WDR70: variants seen among roughly 807,000 people sequenced by gnomAD.
The protein encoded by WDR70 is WD repeat domain 70.
Under a neutral mutation model 88.6 loss-of-function variants are expected in WDR70, and 53 were observed. The ratio of observed to expected loss-of-function variants is 0.60; its 90% confidence interval spans 0.48 to 0.75. The LOEUF is 0.75. Ranked by LOEUF, WDR70 falls within the 30% of genes least tolerant of loss-of-function variation. WDR70 has a pLI of 0.00. For missense variants in WDR70, 610 were observed against 823.2 expected (o/e 0.74, Z 3.17); for synonymous variants, 280 against 270.0 (o/e 1.04, Z -0.36).
At chr5:37,653,226 G>A (rs764114675) in intron 10 of WDR70, among the ~76,000 whole-genome samples, 5 of 151,988 alleles carry the variant, frequency 3.3e-5, no homozygotes, top group Non-Finnish European at 7.4e-5. Context: ...GATTCTGTTC[G>A]TGTGATGGAT....
intron 9 of WDR70, among the ~76,000 whole-genome samples, chr5:37,580,124 T>G (rs991869635): frequency 2.0e-4 from 30 of 152,356 alleles, no homozygotes; most frequent in African/African-American, 7.0e-4. Context: ...ATATGTTGCT[T>G]TATAATTTTA....
At chr5:37,566,311 C>G (rs1317078957) in intron 9 of WDR70, among the ~76,000 whole-genome samples, 1 of 141,138 alleles carries the variant, frequency 7.1e-6, no homozygotes, top group Admixed American at 7.3e-5. Flanking sequence ...GTGATAATAG[C>G]TTATCATCAC....
At chr5:37,629,450 T>C (rs1744754863) in intron 10 of WDR70, among the ~76,000 whole-genome samples, 1 of 152,210 alleles carries the variant, frequency 6.6e-6, no homozygotes, top group African/African-American at 2.4e-5. Flanking sequence ...TCATAAATCC[T>C]TTAGGCTTTC....
intron 9 of WDR70, among the ~76,000 whole-genome samples, chr5:37,581,291 GTTGGGCA>G (rs1648502320): frequency 6.6e-6 from 1 of 152,094 alleles, no homozygotes; most frequent in South Asian, 2.1e-4. Context: ...AATAAACACA[GTTGGGCA>G]TTTACTATGG....
intron 9 of WDR70, among the ~76,000 whole-genome samples, chr5:37,580,984 G>T (rs1024447623): frequency 6.6e-6 from 1 of 152,192 alleles, no homozygotes; most frequent in Non-Finnish European, 1.5e-5. Flanking sequence ...AGTTCACAAA[G>T]AATTATTAAG....
chr5:37,447,742 A>G (rs1164946186), intron 7 of WDR70, among the ~76,000 whole-genome samples: 1 of 152,130 alleles, frequency 6.6e-6, no homozygotes, highest in Non-Finnish European at 1.5e-5. Flanking sequence ...AACAATGAGA[A>G]CACATGGTCA....
At chr5:37,477,695 C>T (rs970598668) in intron 7 of WDR70, among the ~76,000 whole-genome samples, 2 of 152,144 alleles carry the variant, frequency 1.3e-5, no homozygotes, top group African/African-American at 4.8e-5. Context: ...ACTTGTGACA[C>T]AAAAAGCTTC....
intron 9 of WDR70, among the ~76,000 whole-genome samples, chr5:37,558,242 T>G (rs1442647151): frequency 6.6e-6 from 1 of 152,132 alleles, no homozygotes; most frequent in East Asian, 1.9e-4. Context: ...TCTGACATAG[T>G]TTGATATTTA....
chr5:37,400,457 T>C (rs916556120), intron 5 of WDR70, among the ~76,000 whole-genome samples: 1 of 152,192 alleles, frequency 6.6e-6, no homozygotes, highest in Non-Finnish European at 1.5e-5. Flanking sequence ...TACTCTCTTA[T>C]TGTCTACATT....
At chr5:37,602,953 G>C (rs1282111893) in intron 9 of WDR70, among the ~76,000 whole-genome samples, 5 of 151,936 alleles carry the variant, frequency 3.3e-5, no homozygotes, top group Admixed American at 1.3e-4. Context: ...CTCCAGCCTG[G>C]GCGATAGAGC....
Position 37,391,044 on chromosome 5 carries a change from A to T in WDR70, c.176-956A>T, listed in dbSNP as rs189925474. On this transcript the variant is annotated intron_variant, in intron 3 of 17. Transcript: ENST00000265107. ...AAGTGCTAAATTTATGTTTTAAAACATTAGAAAGTTAATTACCTAAAATCT... is the reference window on the plus strand; with the variant it reads ...AAGTGCTAAATTTATGTTTTAAAACTTTAGAAAGTTAATTACCTAAAATCT... Among the ~76,000 whole-genome samples the T allele has an allele frequency of 4.0e-3, 613 of 152,304 alleles. 3 individuals carry two copies. Among genetic ancestry groups the T allele is most frequent in the Non-Finnish European group, 6.6e-3 (450 of 68,020 alleles).
At chr5:37,415,037 G>A (rs1040390528) in intron 5 of WDR70, among the ~76,000 whole-genome samples, 86 of 150,982 alleles carry the variant, frequency 5.7e-4, no homozygotes, top group African/African-American at 2.0e-3. Flanking sequence ...ATCTTGCACC[G>A]CCCTTAATCC....
chr5:37,666,992 T>C (rs1745860012), intron 10 of WDR70, among the ~76,000 whole-genome samples: 2 of 152,146 alleles, frequency 1.3e-5, no homozygotes, highest in Non-Finnish European at 2.9e-5. Flanking sequence ...GTCCAATACA[T>C]GTTTTTGCTA....
intron 17 of WDR70, among the ~76,000 whole-genome samples, chr5:37,749,952 G>C (rs1250785474): frequency 2.6e-5 from 4 of 151,776 alleles, no homozygotes; most frequent in African/African-American, 9.7e-5. Context: ...TCATTCCTTG[G>C]TTCTTTATTT....
At chr5:37,729,352 A>T (rs554026869) in intron 17 of WDR70, among the ~76,000 whole-genome samples, 1 of 151,628 alleles carries the variant, frequency 6.6e-6, no homozygotes, top group Non-Finnish European at 1.5e-5. Flanking sequence ...ACATGTATGC[A>T]TACTAAGCTA....
At chr5:37,678,684 A>T (rs1370899442) in intron 10 of WDR70, among the ~76,000 whole-genome samples, 7 of 151,740 alleles carry the variant, frequency 4.6e-5, no homozygotes, top group South Asian at 4.2e-4. Context: ...TCATTTCAAC[A>T]TTGGTGAATC....
intron 17 of WDR70, among the ~76,000 whole-genome samples, chr5:37,730,717 C>G (rs1213552566): frequency 6.6e-6 from 1 of 151,960 alleles, no homozygotes; most frequent in Non-Finnish European, 1.5e-5. Context: ...TTCTTGATGT[C>G]TTTATGTATT....
At chr5:37,653,505 G>C (rs1007396130) in intron 10 of WDR70, among the ~76,000 whole-genome samples, 5 of 152,164 alleles carry the variant, frequency 3.3e-5, no homozygotes, top group Admixed American at 2.0e-4. Context: ...GATAGTTTCA[G>C]AAGGGATGGT....
chr5:37,642,181 C>T (rs1348191480), intron 10 of WDR70, among the ~76,000 whole-genome samples: 1 of 152,026 alleles, frequency 6.6e-6, no homozygotes, highest in African/African-American at 2.4e-5. Flanking sequence ...TTCTCTTAGC[C>T]CTCTGATACC....
Sources: gnomAD v4.1 joint callset for allele counts (sites outside exome capture counted in the v4.1 genomes callset) on GRCh38, gnomAD v4.1.1 for gene constraint, MANE v1.5 for transcripts, NCBI Gene and HGNC (gene_info 2026-07-23, HGNC 2026-07-21) for gene names.